The following MBD5 variants were observed in gnomAD, a reference collection of about 807,000 sequenced individuals.
MBD5 encodes the protein methyl-CpG-binding domain protein 5.
A neutral mutation model predicts 117.3 loss-of-function variants in MBD5; 13 were observed. The observed-to-expected ratio is 0.11, with a 90% CI of 0.07 to 0.18. The LOEUF (loss-of-function observed/expected upper bound fraction) is 0.18. Among genes scored for constraint, MBD5 ranks in the 10% least tolerant of loss-of-function variants. The pLI, the probability that MBD5 is intolerant of heterozygous loss-of-function variation, is 1.00. For missense variants in MBD5, 1,879 were observed against 2,093.8 expected, an observed-to-expected ratio of 0.90 and a Z score of 2.00; for synonymous variants, 727 against 766.4, an observed-to-expected ratio of 0.95 and a Z score of 0.85.
chr2:148,186,195 G>C (rs747199921), intron 2 of MBD5, among the ~76,000 whole-genome samples: 37 of 152,176 alleles, frequency 2.4e-4, no homozygotes, highest in Non-Finnish European at 4.3e-4. Flanking sequence ...TTGAATCATG[G>C]GGGCGGGTCT....
intron 3 of MBD5, chr2:148,244,095 C>G (rs1427861171): frequency 1.3e-5 from 2 of 150,946 alleles, no homozygotes; most frequent in East Asian, 3.9e-4. Context: ...TGTATGTTAA[C>G]TGTCTCTGCT....
chr2:148,246,763 C>CA (rs71406014), intron 3 of MBD5, among the ~76,000 whole-genome samples: 28,483 of 70,108 alleles, frequency 0.41, 6,690 homozygotes, highest in South Asian at 0.64. Flanking sequence ...GACTCCATCT[C>CA]AAAAAAAAAA....
chr2:148,351,136 CT>C (rs1574322359), intron 4 of MBD5, among the ~76,000 whole-genome samples: 1 of 151,924 alleles, frequency 6.6e-6, no homozygotes, highest in African/African-American at 2.4e-5. Context: ...AATCCAAGGA[CT>C]TTTTTTCATT....
chr2:148,201,338 TC>T (rs201594707), intron 2 of MBD5, among the ~76,000 whole-genome samples: 525 of 152,234 alleles, frequency 3.4e-3, no homozygotes, highest in East Asian at 8.1e-3. Context: ...GGCTCTGGTC[TC>T]CGGACGAGGG....
intron 2 of MBD5, among the ~76,000 whole-genome samples, chr2:148,226,951 G>C (rs1473562670): frequency 6.6e-6 from 1 of 152,138 alleles, no homozygotes; most frequent in Non-Finnish European, 1.5e-5. Flanking sequence ...CCCACTTTTT[G>C]ATGGGGTTGT....
At chr2:148,422,502 T>A (rs1705641601) in intron 4 of MBD5, among the ~76,000 whole-genome samples, 1 of 151,856 alleles carries the variant, frequency 6.6e-6, no homozygotes, top group Admixed American at 6.6e-5. Context: ...AGGCTGAAAA[T>A]TCCAAAAACC....
intron 3 of MBD5, among the ~76,000 whole-genome samples, chr2:148,315,936 T>C (rs1295899915): frequency 6.6e-6 from 1 of 152,186 alleles, no homozygotes; most frequent in African/African-American, 2.4e-5. Context: ...AGTGGTTTGA[T>C]TGACTCACAG....
chr2:148,100,301 G>A (rs1242835336), intron 1 of MBD5, among the ~76,000 whole-genome samples: 1 of 151,990 alleles, frequency 6.6e-6, no homozygotes, highest in Non-Finnish European at 1.5e-5. Context: ...ACTTCCCCTT[G>A]GCTTCTCTAA....
At chr2:148,391,763 A>G (rs1409470078) in intron 4 of MBD5, among the ~76,000 whole-genome samples, 1 of 152,200 alleles carries the variant, frequency 6.6e-6, no homozygotes, top group African/African-American at 2.4e-5. Flanking sequence ...GCTAATAGGT[A>G]TATTGATGAA....
intron 1 of MBD5, among the ~76,000 whole-genome samples, chr2:148,052,110 T>C (rs1361682571): frequency 6.6e-6 from 1 of 152,042 alleles, no homozygotes; most frequent in Non-Finnish European, 1.5e-5. Context: ...GAACAAACTT[T>C]TGCTTTTGTG....
chr2:148,087,178 A>T (rs1695817956), intron 1 of MBD5, among the ~76,000 whole-genome samples: 1 of 152,194 alleles, frequency 6.6e-6, no homozygotes, highest in Admixed American at 6.5e-5. Flanking sequence ...ATCCTTTGAA[A>T]GCAGCAGCAG....
intron 1 of MBD5, among the ~76,000 whole-genome samples, chr2:148,145,778 T>A (rs954536369): frequency 3.3e-5 from 5 of 152,230 alleles, no homozygotes; most frequent in Non-Finnish European, 5.9e-5. Flanking sequence ...CGAACCAGCC[T>A]TGCATCCCAG....
chr2:148,408,921 G>T (rs750673336), intron 4 of MBD5, among the ~76,000 whole-genome samples: 1 of 152,020 alleles, frequency 6.6e-6, no homozygotes, highest in Non-Finnish European at 1.5e-5. Flanking sequence ...ATAATCTAGA[G>T]ATGATTTAAA....
At chr2:148,453,872 A>G (rs762723704) in intron 4 of MBD5, among the ~76,000 whole-genome samples, 1 of 152,090 alleles carries the variant, frequency 6.6e-6, no homozygotes, top group Non-Finnish European at 1.5e-5. Context: ...TTTAAGAAAC[A>G]TGGCCTGAAA....
chr2:148,229,878 A>G (rs1259182296), intron 2 of MBD5, among the ~76,000 whole-genome samples: 1 of 151,064 alleles, frequency 6.6e-6, no homozygotes, highest in Admixed American at 6.6e-5. Flanking sequence ...GTCCCACCCC[A>G]CCCCCATCTC....
At chr2:148,056,338 C>CTT (rs1398016885) in intron 1 of MBD5, among the ~76,000 whole-genome samples, 3 of 151,934 alleles carry the variant, frequency 2.0e-5, no homozygotes, top group African/African-American at 7.2e-5. Flanking sequence ...CCTTTTATTT[C>CTT]TTCTTTTGCT....
At chr2:148,423,021 A>G (rs1705654985) in intron 4 of MBD5, among the ~76,000 whole-genome samples, 1 of 152,238 alleles carries the variant, frequency 6.6e-6, no homozygotes, top group South Asian at 2.1e-4. Flanking sequence ...GATATTATCC[A>G]GGAGAACTTC....
At chr2:148,227,122 A>T (rs1699849985) in intron 2 of MBD5, among the ~76,000 whole-genome samples, 1 of 152,066 alleles carries the variant, frequency 6.6e-6, no homozygotes, top group Non-Finnish European at 1.5e-5. Flanking sequence ...GTTTAATTAG[A>T]TCCCATTTGT....
intron 4 of MBD5, among the ~76,000 whole-genome samples, chr2:148,407,981 A>G (rs1176074005): frequency 6.6e-6 from 1 of 152,200 alleles, no homozygotes; most frequent in Non-Finnish European, 1.5e-5. Context: ...CCCACACATT[A>G]CATAACCTAT....
Sources: gnomAD v4.1 joint callset for allele counts (sites outside exome capture counted in the v4.1 genomes callset) on GRCh38, gnomAD v4.1.1 for gene constraint, MANE v1.5 for transcripts, NCBI Gene and HGNC (gene_info 2026-07-23, HGNC 2026-07-21) for gene names.